Variants in TAF7L observed in about 807,000 individuals in gnomAD.
The protein encoded by TAF7L is TATA-box binding protein associated factor 7 like.
A neutral mutation model predicts 30.2 loss-of-function variants in TAF7L; 6 were observed. The ratio of observed to expected loss-of-function variants is 0.20; its 90% CI spans 0.11 to 0.39. The LOEUF (loss-of-function observed/expected upper bound fraction) is 0.39. TAF7L is among the 10% of genes least tolerant of loss of function. TAF7L has a pLI of 1.00. For missense variants in TAF7L, 284 were observed against 277.1 expected (o/e 1.03, Z -0.18); for synonymous variants, 93 against 94.5 (o/e 0.98, Z 0.09).
chrX:101,270,866 C>CT (rs746643756), intron 12 of TAF7L, among the ~76,000 whole-genome samples: 98 of 111,343 alleles, frequency 8.8e-4, no homozygotes, highest in African/African-American at 3.1e-3. Flanking sequence ...TCATTATGAC[C>CT]TACACCAAAA....
upstream of TAF7L, chrX:101,292,973 C>G (rs1270369451): frequency 8.3e-7 from 1 of 1,211,145 alleles, no homozygotes; most frequent in Admixed American, 2.2e-5. Context: ...TGGCTAGTTA[C>G]TTCCGATGTT....
intron 7 of TAF7L, among the ~76,000 whole-genome samples, chrX:101,278,571 A>G (rs1174167197): frequency 8.9e-6 from 1 of 112,272 alleles, no homozygotes; most frequent in Non-Finnish European, 1.9e-5. Context: ...ACTGGATCTT[A>G]GCTGCATGTT....
chrX:101,285,303 C>G (rs1159505315), intron 3 of TAF7L, among the ~76,000 whole-genome samples: 1 of 109,834 alleles, frequency 9.1e-6, no homozygotes, highest in Non-Finnish European at 1.9e-5. Context: ...CAAGACCAGC[C>G]TGGTCAACAT....
chrX:101,288,389 C>G (rs1057409931), intron 1 of TAF7L, among the ~76,000 whole-genome samples: 2 of 109,644 alleles, frequency 1.8e-5, no homozygotes, highest in African/African-American at 3.3e-5. Context: ...GTGATCCGCC[C>G]ACCTCAGCCT....
intron 1 of TAF7L, among the ~76,000 whole-genome samples, chrX:101,290,567 CT>C (rs1367842555): frequency 8.9e-6 from 1 of 111,833 alleles, no homozygotes; most frequent in Non-Finnish European, 1.9e-5. Context: ...ATTTCCAAGC[CT>C]TTTTGGTAAT....
chrX:101,291,133 G>T (rs746299681), intron 1 of TAF7L, 91 bp downstream of exon 1: 4 of 361,997 alleles, frequency 1.1e-5, no homozygotes, highest in Non-Finnish European at 1.4e-5. Context: ...GTGCAGGCTG[G>T]CTGGGGAGGG....
Position 101,286,063 on chromosome X carries a change from C to A in TAF7L, c.145+512G>T, listed in dbSNP as rs948832125. Among the ~76,000 whole-genome samples the A allele has an allele frequency of 3.8e-4, 42 of 109,559 alleles. 4 individuals carry two copies. The highest frequency in any genetic ancestry group is 3.3e-3 in the Admixed American group (34 of 10,162). On this transcript the variant is annotated intron_variant, in intron 3 of 12. Transcript: ENST00000356784. Reference sequence around the variant, plus strand: ...GGGCATGGTGGCATGTGCCTGTAATCCCAGCTACTTGGGAGGCTGAGGCAG... The same window carrying A: ...GGGCATGGTGGCATGTGCCTGTAATACCAGCTACTTGGGAGGCTGAGGCAG...
At position 101,291,311 on chromosome X, in the gene TAF7L, C is replaced by T; in HGVS notation, c.-90G>A. On this transcript the variant is annotated 5_prime_UTR_variant, in exon 1 of 13. Transcript: ENST00000356784. ...GTTCCGGACGAACCGCGCGTGGGCT[C>T]CCGCGCGGAACGTAGAGGCGAACGC... 1 of 754,167 alleles carries T rather than the reference C, an allele frequency of 1.3e-6. No homozygotes were observed. The highest frequency in any genetic ancestry group is 1.5e-4 in the East Asian group (1 of 6,598). 62.2% of individuals were successfully genotyped at this position (754,167 alleles called of 1,213,427 possible).
chrX:101,277,243 G>A (rs1602953834), intron 9 of TAF7L, among the ~76,000 whole-genome samples: 2 of 102,333 alleles, frequency 2.0e-5, no homozygotes, highest in East Asian at 6.2e-4. Flanking sequence ...CAGATCACTT[G>A]AGGTCTGGAA....
At chrX:101,280,131 T>C (rs924184250) in intron 6 of TAF7L, among the ~76,000 whole-genome samples, 4 of 110,282 alleles carry the variant, frequency 3.6e-5, no homozygotes, top group Non-Finnish European at 5.7e-5. Context: ...GCAAGATCGT[T>C]TTCAAAAAAA....
At chrX:101,292,272 A>AAAT (rs1356418274), upstream of TAF7L, among the ~76,000 whole-genome samples, 2,370 of 78,498 alleles carry the variant, frequency 0.03, 112 homozygotes, top group African/African-American at 0.11. Flanking sequence ...AAATAAATAA[A>AAAT]AATAATAATA....
intron 3 of TAF7L, 105 bp downstream of exon 3, chrX:101,286,470 T>G (rs1258528896): frequency 5.6e-6 from 3 of 535,893 alleles, no homozygotes; most frequent in Non-Finnish European, 9.0e-6. Context: ...AGAGACCATA[T>G]TCTATCATTT....
In TAF7L at chrX:101,275,253, A is replaced by G. The variant is rs975253386; in HGVS notation, c.1055T>C (p.Leu352Pro). 4.2e-6 allele frequency: 5 copies of G among 1,189,597 alleles called. No homozygotes were observed. The highest frequency in any genetic ancestry group is 4.5e-6 in the Non-Finnish European group (4 of 883,391). ...ATTTTTTTGTTTTTCCTGTAACTCA[A>G]GCTGCTCCAGCACAGACTGAAAATG... The part of the protein sequence containing the change: ...KNHFQSVLEQ[L>P]ELQEKQKNEK... The change falls in exon 12 of 13, where the codon CTT becomes CCT. Residue 352 changes from leucine to proline, a missense_variant. Coordinates refer to ENST00000356784, the MANE Select transcript of TAF7L (RefSeq NM_001168474.2).
intron 7 of TAF7L, 82 bp downstream of exon 7, chrX:101,278,912 T>G: frequency 1.1e-6 from 1 of 915,552 alleles, no homozygotes; most frequent in Non-Finnish European, 1.6e-6. Context: ...CTTCTGTGGT[T>G]TATTTGATTC....
At chrX:101,281,877 C>A in intron 5 of TAF7L, 102 bp from the exon 6 acceptor site, 88 of 609,101 alleles carry the variant, frequency 1.4e-4, no homozygotes, top group Non-Finnish European at 2.0e-4. Flanking sequence ...AGGGTCATGA[C>A]ATCACTCCTT....
intron 7 of TAF7L, among the ~76,000 whole-genome samples, chrX:101,278,687 C>T (rs1924302256): frequency 8.9e-6 from 1 of 112,437 alleles, no homozygotes; most frequent in East Asian, 2.8e-4. Flanking sequence ...CAAACAACTG[C>T]TGTTAAAAGT....
upstream of TAF7L, among the ~76,000 whole-genome samples, chrX:101,292,289 A>ATAC (rs1354438383): frequency 4.8e-5 from 5 of 103,599 alleles, no homozygotes; most frequent in Non-Finnish European, 2.0e-5. Context: ...AATAATAATA[A>ATAC]TTAGCCAGGC....
intron 1 of TAF7L, among the ~76,000 whole-genome samples, chrX:101,287,984 G>C (rs770995850): frequency 8.9e-6 from 1 of 111,772 alleles, no homozygotes; most frequent in South Asian, 3.7e-4. Context: ...AATGTTCTGT[G>C]ATGATTTGAA....
At position 101,276,169 on chromosome X, in the gene TAF7L, G is replaced by A. The variant is rs992505858; in HGVS notation, c.914-57C>T. 3 of 1,156,534 alleles carry A rather than the reference G, an allele frequency of 2.6e-6. No individual in the cohort carries two copies. The African/African-American group carries it at 5.4e-5, about 21-fold the overall frequency. On this transcript the variant is annotated intron_variant, in intron 10 of 12. Coordinates refer to ENST00000356784, the MANE Select transcript of TAF7L (RefSeq NM_001168474.2). The stretch of plus-strand genomic sequence containing the variant: ...AATATAGCCTAAATGAATGGACCAA[G>A]ATCCAAATCAAGTAAAACTCTACTA...
Sources: gnomAD v4.1 joint callset for allele counts (sites outside exome capture counted in the v4.1 genomes callset) on GRCh38, gnomAD v4.1.1 for gene constraint, MANE v1.5 for transcripts, NCBI Gene and HGNC (gene_info 2026-07-23, HGNC 2026-07-21) for gene names.